ACAP2: variants seen among roughly 807,000 people sequenced by gnomAD.
The protein encoded by ACAP2 is ArfGAP with coiled-coil, ankyrin repeat and PH domains 2.
In ACAP2, 39 loss-of-function variants were observed where a neutral mutation model predicts 115.8. That is an observed-to-expected ratio of 0.34 (90% CI 0.26 to 0.44). The LOEUF (loss-of-function observed/expected upper bound fraction) is 0.44. Ranked by LOEUF, ACAP2 falls within the 20% of genes least tolerant of loss-of-function variation. The pLI, the probability that ACAP2 is intolerant of heterozygous loss-of-function variation, is 1.00. For missense variants in ACAP2, 662 were observed against 927.6 expected (o/e 0.71, Z 3.72); for synonymous variants, 289 against 315.8 (o/e 0.92, Z 0.90).
intron 4 of ACAP2, chr3:195,356,355 C>T (rs1731969831): frequency 2.8e-6 from 1 of 360,652 alleles, no homozygotes; most frequent in African/African-American, 2.1e-5. Flanking sequence ...GCCTCGCCAC[C>T]ACAGGCTAAA....
intron 9 of ACAP2, chr3:195,326,204 A>G (rs1037476184): frequency 3.0e-4 from 46 of 152,372 alleles, no homozygotes; most frequent in African/African-American, 1.1e-3. Context: ...TTATATTTCT[A>G]TATTCAACTT....
intron 8 of ACAP2, among the ~76,000 whole-genome samples, chr3:195,327,818 C>A (rs1018856380): frequency 2.4e-4 from 37 of 152,042 alleles, no homozygotes; most frequent in African/African-American, 8.7e-4. Flanking sequence ...GTAATCCTAC[C>A]TACTCGGGAG....
chr3:195,376,394 G>T (rs1733542052), intron 4 of ACAP2, among the ~76,000 whole-genome samples: 1 of 151,342 alleles, frequency 6.6e-6, no homozygotes, highest in South Asian at 2.1e-4. Context: ...TCTCAAAAAA[G>T]ATATATATAT....
At chr3:195,415,306 G>C (rs58939693) in intron 1 of ACAP2, among the ~76,000 whole-genome samples, 1 of 146,356 alleles carries the variant, frequency 6.8e-6, no homozygotes, top group Non-Finnish European at 1.5e-5. Flanking sequence ...TTGAGATGGA[G>C]TCTTGCTCTG....
chr3:195,432,607 TGAAATTG>T (rs908100246), intron 1 of ACAP2, among the ~76,000 whole-genome samples: 3 of 152,252 alleles, frequency 2.0e-5, no homozygotes, highest in African/African-American at 7.2e-5. Flanking sequence ...TAGTAACTTT[TGAAATTG>T]GAAATTGAAT....
intron 1 of ACAP2, among the ~76,000 whole-genome samples, chr3:195,400,871 T>G (rs545679004): frequency 6.6e-6 from 1 of 152,106 alleles, no homozygotes; most frequent in Non-Finnish European, 1.5e-5. Context: ...TAAGAATATT[T>G]AGGGACAGTT....
intron 4 of ACAP2, among the ~76,000 whole-genome samples, chr3:195,369,016 G>A (rs545917218): frequency 1.3e-5 from 2 of 151,722 alleles, no homozygotes; most frequent in African/African-American, 2.4e-5. Flanking sequence ...CCTGGGAGGC[G>A]GAGGTTGCAG....
intron 1 of ACAP2, among the ~76,000 whole-genome samples, chr3:195,402,616 G>T (rs1712404422): frequency 6.6e-6 from 1 of 152,124 alleles, no homozygotes; most frequent in Non-Finnish European, 1.5e-5. Context: ...AACAGGCCTT[G>T]ACAGAAATTT....
chr3:195,442,994 G>A lies in ACAP2; in HGVS notation c.-147C>T. On this transcript the variant is annotated 5_prime_UTR_variant, in exon 1 of 23. Transcript: ENST00000326793. ...GGCGCCTCGCCCGCTGGTCATAGCA[G>A]CCGCGAAGACGGCGACGACTAGTCA... is the stretch of plus-strand genomic sequence containing the variant. The A allele has an allele frequency of 1.5e-6, 1 of 648,298 alleles. No homozygotes were observed. Among genetic ancestry groups the A allele is most frequent in the East Asian group, 3.4e-5 (1 of 29,262 alleles). The allele number at this position is 648,298 out of a possible 1,614,324, so 40.2% of individuals were successfully genotyped here.
chr3:195,348,847 G>T (rs956534950), intron 4 of ACAP2, among the ~76,000 whole-genome samples: 1 of 152,150 alleles, frequency 6.6e-6, no homozygotes, highest in African/African-American at 2.4e-5. Context: ...TGAAAAATCT[G>T]TATCTAACAT....
intron 4 of ACAP2, chr3:195,349,810 GC>G (rs1731430673): frequency 1.5e-5 from 5 of 344,654 alleles, no homozygotes; most frequent in South Asian, 2.5e-5. Context: ...CCAGAAATTT[GC>G]CATGAAGGAG....
intron 4 of ACAP2, among the ~76,000 whole-genome samples, chr3:195,375,416 T>C (rs1335233152): frequency 6.6e-6 from 1 of 151,580 alleles, no homozygotes; most frequent in African/African-American, 2.4e-5. Context: ...ATGAGATGAC[T>C]TGTGAAACAC....
rs1713363407 is a variant in ACAP2 at position 195,412,507 on chromosome 3, GA to G, written c.54-20361del. Among the ~76,000 whole-genome samples, 3 of 152,090 alleles carry G rather than the reference GA, an allele frequency of 2.0e-5. No individual in the cohort carries two copies. The South Asian group carries it at 6.2e-4, about 32-fold the overall frequency. ...GGTGCCTGTAGTCCCAGCTACTCAG[GA>G]GGCTGAGGCAGGAGAAGCGCTTGAA... On this transcript the variant is annotated intron_variant, in intron 1 of 22. Coordinates refer to ENST00000326793, the MANE Select transcript of ACAP2 (RefSeq NM_012287.6).
chr3:195,409,818 G>A (rs1277025023), intron 1 of ACAP2, among the ~76,000 whole-genome samples: 1 of 131,352 alleles, frequency 7.6e-6, no homozygotes, highest in Admixed American at 8.9e-5. Context: ...AGATGTTGCA[G>A]TGAACCAAGA....
intron 1 of ACAP2, among the ~76,000 whole-genome samples, chr3:195,417,078 ATTTTT>A (rs11293878): frequency 2.7e-5 from 3 of 109,548 alleles, no homozygotes; most frequent in African/African-American, 3.9e-5. Context: ...TGCCTGGCTA[ATTTTT>A]TTTTTTTTTT....
chr3:195,380,952 A>C (rs1230655389), intron 4 of ACAP2, 57 bp downstream of exon 4: 3 of 1,462,000 alleles, frequency 2.1e-6, no homozygotes, highest in Non-Finnish European at 2.8e-6. Context: ...ATTGCGACTC[A>C]AGAAAAATAC....
intron 4 of ACAP2, among the ~76,000 whole-genome samples, chr3:195,379,533 C>T (rs1462726298): frequency 1.3e-5 from 2 of 152,170 alleles, no homozygotes; most frequent in Admixed American, 6.5e-5. Context: ...GTGGCTCACA[C>T]CTGTAATCCC....
chr3:195,294,699 T>G lies in ACAP2; in HGVS notation c.1765+20A>C, dbSNP rs1344944138. On this transcript the variant is annotated intron_variant, in intron 18 of 22. Coordinates refer to ENST00000326793, the MANE Select transcript of ACAP2 (RefSeq NM_012287.6). The stretch of plus-strand genomic sequence containing the variant: ...TCCAGCAAACAAAACCAATTAACAT[T>G]GAGTTTCATCAGAACTCACCAGGCT... 2 of 1,450,536 alleles carry G rather than the reference T, an allele frequency of 1.4e-6. No individual in the cohort carries two copies. Among genetic ancestry groups the G allele is most frequent in the Non-Finnish European group, 1.9e-6 (2 of 1,062,170 alleles). 89.9% of individuals were successfully genotyped at this position (1,450,536 alleles called of 1,614,324 possible).
At chr3:195,325,557 CA>C (rs2108612527) in intron 9 of ACAP2, 1 of 389,520 alleles carries the variant, frequency 2.6e-6, no homozygotes, top group African/African-American at 2.1e-5. Flanking sequence ...TATTTAAAAT[CA>C]AATAAATTAT....
Sources: gnomAD v4.1 joint callset for allele counts (sites outside exome capture counted in the v4.1 genomes callset) on GRCh38, gnomAD v4.1.1 for gene constraint, MANE v1.5 for transcripts, NCBI Gene and HGNC (gene_info 2026-07-23, HGNC 2026-07-21) for gene names.